Variants in ABCC5 observed in about 807,000 individuals in gnomAD.
ABCC5 encodes ATP binding cassette subfamily C member 5, also known as ATP-binding cassette sub-family C member 5.
In ABCC5, 61 loss-of-function variants were observed where a neutral mutation model predicts 160.9. That is an observed-to-expected ratio of 0.38 (90% CI 0.31 to 0.47). The LOEUF (loss-of-function observed/expected upper bound fraction) is 0.47, where lower values mean the gene tolerates loss of function less well. ABCC5 is among the 20% of genes least tolerant of loss of function. The pLI, the probability that ABCC5 is intolerant of heterozygous loss-of-function variation, is 0.99. For missense variants in ABCC5, 1,308 were observed against 1,813.3 expected, an observed-to-expected ratio of 0.72 and a Z score of 5.06; for synonymous variants, 666 against 700.6, an observed-to-expected ratio of 0.95 and a Z score of 0.78.
At chr3:183,972,726 C>T (rs1450951390) in intron 10 of ABCC5, among the ~76,000 whole-genome samples, 2 of 151,766 alleles carry the variant, frequency 1.3e-5, no homozygotes, top group African/African-American at 2.4e-5. Flanking sequence ...CTCACTGCAA[C>T]CTCCACCTCC....
At chr3:183,943,837 C>CTT (rs1714590689) in intron 24 of ABCC5, among the ~76,000 whole-genome samples, 1 of 152,206 alleles carries the variant, frequency 6.6e-6, no homozygotes, top group Non-Finnish European at 1.5e-5. Flanking sequence ...ATAACATTAA[C>CTT]TCAAACACTG....
chr3:183,953,727 G>C (rs1436157684), intron 17 of ABCC5, among the ~76,000 whole-genome samples: 1 of 152,148 alleles, frequency 6.6e-6, no homozygotes, highest in African/African-American at 2.4e-5. Context: ...GTAAGCCACA[G>C]ATGACCGGGT....
rs770733222 is a variant in ABCC5 at position 183,982,590 on chromosome 3, A to G, written c.860T>C (p.Met287Thr). 3 of 1,614,060 alleles carry G rather than the reference A, an allele frequency of 1.9e-6. No individual in the cohort carries two copies. Among genetic ancestry groups the G allele is most frequent in the Non-Finnish European group, 2.5e-6 (3 of 1,179,942 alleles). ...GCTGCCAACGGCTGCTGCCTCAAAC[A>G]TTCTCTGCCCATCGTTGGAGCAAAT... ...INICSNDGQR[M>T]FEAAAVGSLL... Residue 287 changes from methionine (M) to threonine (T), a missense_variant, in exon 7 of 30, where the codon ATG becomes ACG. By Grantham distance (81) the Met-to-Thr change is moderately conservative. Around this residue, in one of 3 missense-constraint regions of ABCC5, gnomAD observed 1,142 missense variants for 1,527.1 expected, o/e 0.75. Transcript: ENST00000334444. This position sits in a 1 kb window ranked among gnomAD's most constrained non-coding sequence, Gnocchi z 5.2.
intron 10 of ABCC5, among the ~76,000 whole-genome samples, chr3:183,977,228 T>C (rs1396258793): frequency 1.3e-5 from 2 of 152,218 alleles, no homozygotes; most frequent in Admixed American, 1.3e-4. Context: ...GACACATCCA[T>C]GTCAGGCCCA....
chr3:183,981,964 G>T, intron 7 of ABCC5, 90 bp from the exon 8 acceptor site: 1 of 1,441,054 alleles, frequency 6.9e-7, no homozygotes, highest in Non-Finnish European at 9.3e-7. Context: ...AATAAAATGA[G>T]CATATAATCC....
chr3:183,947,251 A>G, intron 23 of ABCC5, 73 bp downstream of exon 23: 1 of 1,423,294 alleles, frequency 7.0e-7, no homozygotes, highest in South Asian at 1.6e-5. Context: ...GCCCCCCACA[A>G]TCATCCCTCT....
chr3:183,986,184 T>C (rs983736191), intron 5 of ABCC5: 1 of 152,268 alleles, frequency 6.6e-6, no homozygotes, highest in African/African-American at 2.4e-5. Flanking sequence ...AGAAACATAT[T>C]AGAATTGGAG....
In ABCC5 at chr3:183,981,666, A is replaced by G; in HGVS notation, c.1147+61T>C. ...GCTCAGAAAGCAAAGTGTGTGAATT[A>G]TAAGACCCAAAGAATCCAAGGTCCT... On this transcript the variant is annotated intron_variant, in intron 8 of 29. Transcript: ENST00000334444. 3.2e-6 allele frequency: 5 copies of G among 1,574,366 alleles called. No homozygotes were observed. The Admixed American group carries it at 7.4e-5, about 23-fold the overall frequency.
Position 184,017,376 on chromosome 3 carries a change from G to A in ABCC5, c.-56+454C>T, listed in dbSNP as rs1389126173. On this transcript the variant is annotated intron_variant, in intron 1 of 29. Transcript: ENST00000334444. This position sits in a 1 kb window ranked among gnomAD's most constrained non-coding sequence, Gnocchi z 4.5. ...TTCGAAGGTCGCTGGCGGCTCCGCT[G>A]CGGGTTGAGCAGGGTGCCCCGAGCC... 6.6e-6 allele frequency: 1 copy of A among 152,278 alleles called. No homozygotes were observed. Among genetic ancestry groups the A allele is most frequent in the African/African-American group, 2.4e-5 (1 of 41,468 alleles). The allele number at this position is 152,278 out of a possible 1,614,324, so 9.4% of individuals were successfully genotyped here. A position where few individuals can be genotyped will look rare whatever the true frequency, so the allele number is the denominator to read the frequency against.
At chr3:184,005,331 T>C (rs181434081) in intron 2 of ABCC5, among the ~76,000 whole-genome samples, 1 of 152,326 alleles carries the variant, frequency 6.6e-6, no homozygotes, top group East Asian at 1.9e-4. Flanking sequence ...TCATCTGATA[T>C]CTAGTAACAA....
chr3:183,963,850 C>T lies in ABCC5; in HGVS notation c.2032-262G>A, dbSNP rs970665308. On this transcript the variant is annotated intron_variant, in intron 14 of 29. Coordinates refer to ENST00000334444, the MANE Select transcript of ABCC5 (RefSeq NM_005688.4). The surrounding 1 kb of genome is among the most constrained non-coding windows in gnomAD (Gnocchi z 4.6). Reference sequence around the variant, plus strand: ...CTACATCTGGTCTTGCCAGTCCACCCGGATGCTCCCCCTCCAATCCATTCT... The same window carrying T: ...CTACATCTGGTCTTGCCAGTCCACCTGGATGCTCCCCCTCCAATCCATTCT... 2.0e-5 allele frequency among the ~76,000 whole-genome samples: 3 copies of T among 152,178 alleles called. No homozygotes were observed. Among genetic ancestry groups the T allele is most frequent in the Non-Finnish European group, 2.9e-5 (2 of 68,036 alleles).
chr3:183,926,073 T>C (rs1346290688), intron 28 of ABCC5, among the ~76,000 whole-genome samples: 2 of 149,028 alleles, frequency 1.3e-5, no homozygotes, highest in Non-Finnish European at 3.0e-5. Flanking sequence ...CTCCTGACCT[T>C]GCGATCCACC....
chr3:183,975,240 C>T (rs1331808009), intron 10 of ABCC5, among the ~76,000 whole-genome samples: 1 of 152,044 alleles, frequency 6.6e-6, no homozygotes, highest in Non-Finnish European at 1.5e-5. Flanking sequence ...AAAAAACAGC[C>T]CCCCAACCCT....
chr3:183,988,523 C>G lies in ABCC5; in HGVS notation c.443+49G>C. 1 of 1,571,954 alleles carries G rather than the reference C, an allele frequency of 6.4e-7. No individual in the cohort carries two copies. The highest frequency in any genetic ancestry group is 1.2e-5 in the South Asian group (1 of 82,656). On this transcript the variant is annotated intron_variant, in intron 4 of 29. Coordinates refer to ENST00000334444, the MANE Select transcript of ABCC5 (RefSeq NM_005688.4). This position sits in a 1 kb window ranked among gnomAD's most constrained non-coding sequence, Gnocchi z 4.4. ...GTGGACTTCACACTCCTAGCTCAGG[C>G]CCTGCCCACCCGGCATGGGGGAGAT...
At chr3:183,959,245 G>A (rs1716511221) in intron 17 of ABCC5, among the ~76,000 whole-genome samples, 1 of 152,150 alleles carries the variant, frequency 6.6e-6, no homozygotes, top group Admixed American at 6.5e-5. Flanking sequence ...AAGCCAAGTA[G>A]GAAAAACCCC....
At chr3:183,956,215 C>A (rs1463025965) in intron 17 of ABCC5, among the ~76,000 whole-genome samples, 1 of 145,288 alleles carries the variant, frequency 6.9e-6, no homozygotes, top group African/African-American at 2.6e-5. Context: ...CATGCAGATC[C>A]GTGTGTAAAT....
chr3:183,961,854 A>C (rs1716772576), intron 15 of ABCC5, among the ~76,000 whole-genome samples, 200 bp from the exon 16 acceptor site: 1 of 152,068 alleles, frequency 6.6e-6, no homozygotes. Flanking sequence ...ATCTCGGTTC[A>C]CTGCAATCTC....
intron 25 of ABCC5, among the ~76,000 whole-genome samples, chr3:183,940,344 CAA>C (rs780123476): frequency 2.5e-5 from 3 of 121,610 alleles, no homozygotes; most frequent in Non-Finnish European, 3.4e-5. Context: ...CTAAAAAATA[CAA>C]AAAAAAAAAA....
At chr3:183,992,602 G>A (rs575234509) in intron 2 of ABCC5, among the ~76,000 whole-genome samples, 3 of 152,036 alleles carry the variant, frequency 2.0e-5, no homozygotes, top group Admixed American at 6.6e-5. Flanking sequence ...TGGCTAACAC[G>A]GTGAAACCCC....
Sources: allele counts gnomAD v4.1 joint callset (sites outside exome capture counted in the v4.1 genomes callset), GRCh38; gene constraint gnomAD v4.1.1; regional missense constraint gnomAD v4.1.1; non-coding constraint Gnocchi (gnomAD v3.1); transcripts MANE v1.5; gene names NCBI Gene and HGNC (gene_info 2026-07-23, HGNC 2026-07-21).